LYST: variants seen among roughly 807,000 people sequenced by gnomAD.
The protein encoded by LYST is lysosomal trafficking regulator.
A neutral mutation model predicts 413.6 loss-of-function variants in LYST; 192 were observed. The observed-to-expected ratio is 0.46, with a 90% confidence interval of 0.41 to 0.52. The LOEUF is 0.52. Ranked by LOEUF, LYST falls within the 20% of genes least tolerant of loss-of-function variation. LYST has a pLI of 0.00. For missense variants in LYST, 3,815 were observed against 4,499.9 expected (o/e 0.85, Z 4.35); for synonymous variants, 1,525 against 1,567.3 (o/e 0.97, Z 0.64).
At chr1:235,792,342 T>TA (rs1186845451) in intron 11 of LYST, among the ~76,000 whole-genome samples, 5 of 151,988 alleles carry the variant, frequency 3.3e-5, no homozygotes, top group African/African-American at 9.7e-5. Flanking sequence ...TAAGACAGAG[T>TA]CTCACTCTGT....
At chr1:235,802,193 C>CA (rs35511208) in intron 8 of LYST, among the ~76,000 whole-genome samples, 14,445 of 45,150 alleles carry the variant, frequency 0.32, 3,610 homozygotes, top group African/African-American at 0.43. Context: ...GACTCCATTT[C>CA]AAAAAAAAAA....
chr1:235,770,376 G>C, intron 19 of LYST, 79 bp from the exon 20 acceptor site: 2 of 1,243,878 alleles, frequency 1.6e-6, no homozygotes, highest in Non-Finnish European at 1.2e-6. Context: ...CACACAACGC[G>C]CAACAATTTA....
At chr1:235,849,100 C>A (rs758475253) in intron 1 of LYST, among the ~76,000 whole-genome samples, 29 of 152,042 alleles carry the variant, frequency 1.9e-4, no homozygotes, top group Non-Finnish European at 3.5e-4. Context: ...TTGATGAACA[C>A]AGATGCTAAA....
intron 44 of LYST, among the ~76,000 whole-genome samples, chr1:235,706,057 T>G (rs537755912): frequency 6.6e-6 from 1 of 152,092 alleles, no homozygotes; most frequent in East Asian, 1.9e-4. Context: ...CCTCCCAAAG[T>G]GCTGGGATTA....
At position 235,730,835 on chromosome 1, in the gene LYST, A is replaced by C; in HGVS notation, c.9044+12T>G. 6.6e-7 allele frequency: 1 copy of C among 1,509,660 alleles called. No homozygotes were observed. Among genetic ancestry groups the C allele is most frequent in the African/African-American group, 1.4e-5 (1 of 72,894 alleles). 93.5% of individuals were successfully genotyped at this position (1,509,660 alleles called of 1,614,324 possible). ...TTCATGAAAGAGTGAAGGTCTATTG[A>C]TTCAAAGTTACCTTATAGATTCACT... On this transcript the variant is annotated intron_variant, in intron 36 of 52. Coordinates refer to ENST00000389793, the MANE Select transcript of LYST (RefSeq NM_000081.4).
chr1:235,740,637 T>C (rs1367501066), intron 31 of LYST, among the ~76,000 whole-genome samples: 1 of 152,230 alleles, frequency 6.6e-6, no homozygotes, highest in African/African-American at 2.4e-5. Flanking sequence ...TATGGTGCTG[T>C]AGAATAGTCT....
chr1:235,737,997 C>T, intron 31 of LYST: 1 of 1,468,148 alleles, frequency 6.8e-7, no homozygotes, highest in Non-Finnish European at 9.1e-7. Context: ...CCAATATACT[C>T]TCAAGTATAC....
chr1:235,835,006 C>T (rs763295705), intron 1 of LYST, among the ~76,000 whole-genome samples: 1 of 151,926 alleles, frequency 6.6e-6, no homozygotes, highest in Non-Finnish European at 1.5e-5. Flanking sequence ...CAACCTCTGC[C>T]GCCTGGGTTC....
chr1:235,738,896 C>G lies in LYST; in HGVS notation c.8358+2526G>C. 4.0e-6 allele frequency: 3 copies of G among 741,036 alleles called. No homozygotes were observed. The Admixed American group carries it at 5.2e-5, about 13-fold the overall frequency. 45.9% of individuals were successfully genotyped at this position (741,036 alleles called of 1,614,324 possible). ...TCTTGGGAGAGAATGGAATCTCAGA[C>G]CGTGTGAAGGTGACTCTGACTCCTG... On this transcript the variant is annotated intron_variant, in intron 31 of 52. Transcript: ENST00000389793.
chr1:235,801,055 C>T lies in LYST; in HGVS notation c.3755G>A (p.Ser1252Asn), dbSNP rs772060702. ...KSETEGFSASSSPNDLLENLT... is the reference protein window; with the variant it reads ...KSETEGFSASNSPNDLLENLT... ...GTTTTCGAGTAAGTCATTTGGACTG[C>T]TTGATGCACTGAAACCTTCTGTTTC... is the stretch of plus-strand genomic sequence containing the variant. Residue 1252 changes from serine to asparagine, a missense_variant, in exon 9 of 53, where the codon AGC becomes AAC. Transcript: ENST00000389793. 6.2e-7 allele frequency: 1 copy of T among 1,613,018 alleles called. No individual in the cohort carries two copies. The highest frequency in any genetic ancestry group is 1.3e-5 in the African/African-American group (1 of 74,886).
intron 1 of LYST, among the ~76,000 whole-genome samples, chr1:235,880,347 T>C (rs1464767658): frequency 1.3e-5 from 2 of 152,216 alleles, no homozygotes; most frequent in Non-Finnish European, 2.9e-5. Flanking sequence ...TCTGAAAACA[T>C]GCATGGTAAG....
In LYST at chr1:235,777,192, T is replaced by G. The variant is rs750345692; in HGVS notation, c.5331A>C (p.Ser1777=). The G allele has an allele frequency of 1.2e-6, 2 of 1,613,732 alleles. No individual in the cohort carries two copies. Among genetic ancestry groups the G allele is most frequent in the African/African-American group, 1.3e-5 (1 of 74,926 alleles). The change falls in exon 17 of 53, where the codon TCA becomes TCC. Residue 1777 remains serine, a synonymous_variant. Transcript: ENST00000389793. The part of the protein sequence containing the change: ...KTQLSQRPFS[S]KEVQSILLEP... Reference sequence around the variant, plus strand: ...CTAATAAGATGCTCTGAACTTCTTTTGAGCTGAAGGGTCTTTGAGAGAGTT... The same window carrying G: ...CTAATAAGATGCTCTGAACTTCTTTGGAGCTGAAGGGTCTTTGAGAGAGTT...
At chr1:235,761,608 T>C (rs1273667565) in intron 22 of LYST, among the ~76,000 whole-genome samples, 1 of 152,084 alleles carries the variant, frequency 6.6e-6, no homozygotes, top group East Asian at 1.9e-4. Flanking sequence ...ATGGTTAGAC[T>C]GAGGCGAGGT....
At chr1:235,722,241 A>G (rs1663436221) in intron 39 of LYST, among the ~76,000 whole-genome samples, 1 of 152,196 alleles carries the variant, frequency 6.6e-6, no homozygotes, top group Non-Finnish European at 1.5e-5. Context: ...CCAGGGCTTT[A>G]TCAGGTTATT....
chr1:235,866,448 C>T (rs1680531012), intron 1 of LYST, among the ~76,000 whole-genome samples: 1 of 152,206 alleles, frequency 6.6e-6, no homozygotes. Flanking sequence ...CTGAGTAGTG[C>T]AGCGGCACAG....
intron 44 of LYST, among the ~76,000 whole-genome samples, chr1:235,707,592 C>T (rs1662089990): frequency 1.3e-5 from 2 of 152,012 alleles, no homozygotes; most frequent in African/African-American, 4.8e-5. Flanking sequence ...CACTGCACTC[C>T]AGCCTGGGTG....
Position 235,697,210 on chromosome 1 carries a change from T to C in LYST, c.10437A>G (p.Pro3479=), listed in dbSNP as rs767889083. The part of the protein sequence containing the change: ...WGEYVGSPSA[P]VPVVCFSQPH... Reference sequence around the variant, plus strand: ...GCTGGCTGAAGCAGACCACAGGTACTGGAGCACTGGGGGAACCCACGTATT... The same window carrying C: ...GCTGGCTGAAGCAGACCACAGGTACCGGAGCACTGGGGGAACCCACGTATT... Residue 3479 remains proline, a synonymous_variant, in exon 46 of 53, where the codon CCA becomes CCG. Transcript: ENST00000389793. 6.2e-7 allele frequency: 1 copy of C among 1,614,186 alleles called. No individual in the cohort carries two copies. The highest frequency in any genetic ancestry group is 8.5e-7 in the Non-Finnish European group (1 of 1,180,022).
chr1:235,844,749 G>C (rs546997816), intron 1 of LYST, among the ~76,000 whole-genome samples: 87 of 151,838 alleles, frequency 5.7e-4, no homozygotes, highest in Admixed American at 4.8e-3. Context: ...GGACACTGGT[G>C]GGGGGAAGGG....
At chr1:235,737,768 TAAAAAC>T (rs1664946036) in intron 31 of LYST, 1 of 343,710 alleles carries the variant, frequency 2.9e-6, no homozygotes, top group Non-Finnish European at 4.2e-6. Flanking sequence ...ACTCCAAAAA[TAAAAAC>T]AAATACAAGA....
Sources: gnomAD v4.1 joint callset for allele counts (sites outside exome capture counted in the v4.1 genomes callset) on GRCh38, gnomAD v4.1.1 for gene constraint, MANE v1.5 for transcripts, NCBI Gene and HGNC (gene_info 2026-07-23, HGNC 2026-07-21) for gene names.